The following WWP2 variants were observed in gnomAD, a reference collection of about 807,000 sequenced individuals.
WWP2 encodes NEDD4-like E3 ubiquitin-protein ligase WWP2.
Under a neutral mutation model 121.0 loss-of-function variants are expected in WWP2, and 57 were observed. That is an observed-to-expected ratio of 0.47 (90% CI 0.38 to 0.59). WWP2 has a LOEUF of 0.59. Ranked by LOEUF, WWP2 falls within the 20% of genes least tolerant of loss-of-function variation. The probability of loss-of-function intolerance (pLI) is 0.00; values close to 1 mark genes in which losing one functional copy is unlikely to be tolerated. For missense variants in WWP2, 962 were observed against 1,158.9 expected (o/e 0.83, Z 2.47); for synonymous variants, 449 against 441.3 (o/e 1.02, Z -0.22).
At chr16:69,883,400 G>GTGCACA (rs2057865083) in intron 7 of WWP2, among the ~76,000 whole-genome samples, 1 of 145,862 alleles carries the variant, frequency 6.9e-6, no homozygotes, top group Admixed American at 6.9e-5. Context: ...AAGAATGTGC[G>GTGCACA]CACACACACA....
chr16:69,826,631 G>A (rs1337153854), intron 4 of WWP2, among the ~76,000 whole-genome samples: 1 of 146,838 alleles, frequency 6.8e-6, no homozygotes, highest in Non-Finnish European at 1.5e-5. Context: ...TGTAATCCCA[G>A]CACTTTGGGA....
At chr16:69,864,849 C>T (rs912873789) in intron 6 of WWP2, among the ~76,000 whole-genome samples, 1 of 151,792 alleles carries the variant, frequency 6.6e-6, no homozygotes, top group Non-Finnish European at 1.5e-5. Flanking sequence ...TGACTTGAAG[C>T]AATCCGCCTG....
chr16:69,926,776 T>C (rs2151984260), intron 11 of WWP2, among the ~76,000 whole-genome samples: 1 of 152,272 alleles, frequency 6.6e-6, no homozygotes, highest in African/African-American at 2.4e-5. Flanking sequence ...TCTCAGAGAT[T>C]GGCAGCAACT....
chr16:69,835,822 A>C (rs4985374), intron 4 of WWP2, among the ~76,000 whole-genome samples: 56,677 of 146,826 alleles, frequency 0.39, 10,886 homozygotes, highest in Admixed American at 0.49. Flanking sequence ...TTTTTTTTTG[A>C]GACAGAGTCT....
intron 9 of WWP2, 71 bp from the exon 10 acceptor site, chr16:69,917,638 T>G: frequency 6.4e-7 from 1 of 1,558,438 alleles, no homozygotes; most frequent in Non-Finnish European, 8.8e-7. Flanking sequence ...CTAGGCATCC[T>G]GAGACTTTTC....
At chr16:69,870,827 C>G (rs941352375) in intron 6 of WWP2, among the ~76,000 whole-genome samples, 1 of 152,148 alleles carries the variant, frequency 6.6e-6, no homozygotes, top group Non-Finnish European at 1.5e-5. Context: ...ACTGAGTGGG[C>G]AAAGTCAAGC....
chr16:69,807,619 C>CAA (rs530408058), intron 4 of WWP2, among the ~76,000 whole-genome samples: 19 of 46,876 alleles, frequency 4.1e-4, no homozygotes, highest in African/African-American at 9.6e-4. Context: ...ACCCTTTCTC[C>CAA]AAAAAAAAAA....
chr16:69,864,427 A>G (rs1460956981), intron 6 of WWP2, among the ~76,000 whole-genome samples: 1 of 152,148 alleles, frequency 6.6e-6, no homozygotes, highest in African/African-American at 2.4e-5. Flanking sequence ...CATATATTTA[A>G]CTTTATAAGA....
chr16:69,854,494 A>G (rs2057273988), intron 6 of WWP2, among the ~76,000 whole-genome samples: 1 of 151,634 alleles, frequency 6.6e-6, no homozygotes, highest in Non-Finnish European at 1.5e-5. Flanking sequence ...TAGCCTAAAT[A>G]GAATGACTCC....
intron 11 of WWP2, among the ~76,000 whole-genome samples, chr16:69,929,241 G>GC (rs1374940821): frequency 2.3e-5 from 3 of 127,670 alleles, no homozygotes; most frequent in South Asian, 2.4e-4. Context: ...TGTCACCCCC[G>GC]CCCCCCACCA....
chr16:69,900,900 G>A (rs1475899288), intron 8 of WWP2, among the ~76,000 whole-genome samples: 3 of 152,188 alleles, frequency 2.0e-5, no homozygotes, highest in Admixed American at 6.6e-5. Flanking sequence ...AGGAGCTTTG[G>A]TAGCTGCTCC....
chr16:69,860,812 GAC>G (rs2057403181), intron 6 of WWP2, among the ~76,000 whole-genome samples: 1 of 149,914 alleles, frequency 6.7e-6, no homozygotes, highest in Non-Finnish European at 1.5e-5. Context: ...GACCAGCCAG[GAC>G]AACATAGCAA....
intron 4 of WWP2, among the ~76,000 whole-genome samples, chr16:69,812,658 G>A (rs1156785274): frequency 2.0e-5 from 3 of 151,788 alleles, no homozygotes; most frequent in Admixed American, 2.0e-4. Flanking sequence ...AAAATTATTT[G>A]GCAGATTCCC....
intron 10 of WWP2, among the ~76,000 whole-genome samples, chr16:69,919,598 G>A (rs1021353913): frequency 7.2e-5 from 11 of 152,166 alleles, no homozygotes; most frequent in Admixed American, 5.9e-4. Flanking sequence ...CCATTAGAGG[G>A]TCCACAGTGA....
chr16:69,771,597 CTT>C (rs1486071484), intron 1 of WWP2, among the ~76,000 whole-genome samples: 1 of 152,208 alleles, frequency 6.6e-6, no homozygotes, highest in Non-Finnish European at 1.5e-5. Flanking sequence ...AGTCATCCAA[CTT>C]TGTTCTTTTT....
intron 1 of WWP2, chr16:69,786,151 T>C (rs370578049): frequency 2.9e-5 from 4 of 138,452 alleles, no homozygotes; most frequent in African/African-American, 5.1e-5. Context: ...TTTTTTTTTT[T>C]CTTCTTTTTT....
intron 10 of WWP2, chr16:69,924,885 G>T (rs2058616713): frequency 4.1e-6 from 4 of 980,374 alleles, no homozygotes; most frequent in Admixed American, 6.1e-5. Flanking sequence ...GAGGTTGGGG[G>T]GGACGCCGAG....
At chr16:69,831,273 T>C (rs1200458409) in intron 4 of WWP2, among the ~76,000 whole-genome samples, 3 of 152,208 alleles carry the variant, frequency 2.0e-5, no homozygotes, top group African/African-American at 4.8e-5. Context: ...AGAACTATTT[T>C]TCCTTTGACA....
intron 8 of WWP2, among the ~76,000 whole-genome samples, chr16:69,904,200 T>G (rs2058251673): frequency 6.6e-6 from 1 of 152,214 alleles, no homozygotes. Flanking sequence ...CAGAAGGTAT[T>G]TGGAGAATTG....
Sources: gnomAD v4.1 joint callset for allele counts (sites outside exome capture counted in the v4.1 genomes callset) on GRCh38, gnomAD v4.1.1 for gene constraint, MANE v1.5 for transcripts, NCBI Gene and HGNC (gene_info 2026-07-23, HGNC 2026-07-21) for gene names.